Variants in HPSE2 observed in about 807,000 individuals in gnomAD.
The protein encoded by HPSE2 is inactive heparanase-2.
Under a neutral mutation model 60.5 loss-of-function variants are expected in HPSE2, and 38 were observed. The observed-to-expected ratio is 0.63, with a 90% CI of 0.48 to 0.82. HPSE2 has a LOEUF of 0.82. Ranked by LOEUF, HPSE2 falls within the 40% of genes least tolerant of loss-of-function variation. The probability of loss-of-function intolerance (pLI) is 0.00; values close to 1 mark genes in which losing one functional copy is unlikely to be tolerated. For synonymous variants in HPSE2, 295 were observed against 293.2 expected (o/e 1.01, Z -0.06); for missense variants, 713 against 740.4 (o/e 0.96, Z 0.43).
chr10:99,167,438 T>C (rs1847128201), intron 2 of HPSE2, among the ~76,000 whole-genome samples: 1 of 152,382 alleles, frequency 6.6e-6, no homozygotes. Flanking sequence ...AGTTATTTTT[T>C]GCATAAAGTA....
At chr10:98,912,606 T>C (rs1161192472) in intron 3 of HPSE2, among the ~76,000 whole-genome samples, 1 of 152,184 alleles carries the variant, frequency 6.6e-6, no homozygotes, top group Non-Finnish European at 1.5e-5. Flanking sequence ...GGAGTACTAT[T>C]CAGACATAAA....
chr10:99,001,336 C>G (rs1462737033), intron 3 of HPSE2, among the ~76,000 whole-genome samples: 4 of 152,046 alleles, frequency 2.6e-5, no homozygotes, highest in Non-Finnish European at 4.4e-5. Context: ...ATTCCTGGAA[C>G]CTTTGGTTCT....
intron 3 of HPSE2, among the ~76,000 whole-genome samples, chr10:98,803,683 C>A (rs1283613451): frequency 6.6e-6 from 1 of 150,684 alleles, no homozygotes; most frequent in South Asian, 2.1e-4. Context: ...TGATCTATAT[C>A]TCTGTTTTGG....
At chr10:99,165,552 T>TTTAC (rs1847044618) in intron 2 of HPSE2, among the ~76,000 whole-genome samples, 1 of 150,888 alleles carries the variant, frequency 6.6e-6, no homozygotes, top group African/African-American at 2.4e-5. Context: ...TATTTATTTA[T>TTTAC]TTATTTATTT....
chr10:99,173,533 G>C (rs1847398949), intron 2 of HPSE2, among the ~76,000 whole-genome samples: 2 of 151,660 alleles, frequency 1.3e-5, no homozygotes, highest in African/African-American at 2.4e-5. Flanking sequence ...TTTATTTGAG[G>C]AACTTTAGTA....
chr10:98,727,572 C>G (rs1949118690), intron 4 of HPSE2, among the ~76,000 whole-genome samples: 1 of 151,854 alleles, frequency 6.6e-6, no homozygotes, highest in Non-Finnish European at 1.5e-5. Flanking sequence ...AGGAGAATTG[C>G]TTGAATCCAG....
chr10:99,098,874 C>T (rs1266319984), intron 3 of HPSE2, among the ~76,000 whole-genome samples: 1 of 152,112 alleles, frequency 6.6e-6, no homozygotes, highest in East Asian at 1.9e-4. Context: ...TGCTACGGTT[C>T]TCATAAACTA....
chr10:98,620,631 A>G lies in HPSE2; in HGVS notation c.1176T>C (p.Asn392=). The G allele has an allele frequency of 6.2e-7, 1 of 1,614,088 alleles. No individual in the cohort carries two copies. Among genetic ancestry groups the G allele is most frequent in the African/African-American group, 1.3e-5 (1 of 75,048 alleles). Reference sequence around the variant, plus strand: ...ATCCTGCAGCATAGGAATCGGATAGATTGTTTGTGCCTCCAGCTGAGGTGG... The same window carrying G: ...ATCCTGCAGCATAGGAATCGGATAGGTTGTTTGTGCCTCCAGCTGAGGTGG... ...VVTTSAGGTN[N]LSDSYAAGFL... is the part of the protein sequence containing the mutation. Residue 392 remains asparagine (N), a synonymous_variant, in exon 8 of 12, where the codon AAT becomes AAC. Coordinates refer to ENST00000370552, the MANE Select transcript of HPSE2 (RefSeq NM_021828.5).
At chr10:99,301,594 G>T in the HPSE2 span, among the ~76,000 whole-genome samples, 1 of 152,152 alleles carries the variant, frequency 6.6e-6, no homozygotes, top group South Asian at 2.1e-4. Flanking sequence ...GCCTTTATCA[G>T]CAGTGTGAAA....
chr10:99,133,772 G>C (rs1295754559), intron 3 of HPSE2, among the ~76,000 whole-genome samples: 2 of 152,166 alleles, frequency 1.3e-5, no homozygotes, highest in African/African-American at 4.8e-5. Flanking sequence ...GGAGAAACCA[G>C]TGCAAAAAGG....
chr10:98,634,308 T>C (rs985395557), intron 7 of HPSE2, among the ~76,000 whole-genome samples: 5 of 152,214 alleles, frequency 3.3e-5, no homozygotes, highest in Non-Finnish European at 2.9e-5. Flanking sequence ...ACTGGGACAT[T>C]GAAATAAGCA....
rs771474439 is a variant in HPSE2, at chr10:99,144,357, C to A, written c.491G>T (p.Cys164Phe). ...AACATCAGGGTGCTGGGCAATCTTG[C>A]AGCCTTTCTGTTTATCTAAGGCAAC... Reference protein sequence around the residue: ...SDVALDKQKGCKIAQHPDVML... With the variant: ...SDVALDKQKGFKIAQHPDVML... Residue 164 changes from cysteine (C) to phenylalanine (F), a missense_variant, in exon 3 of 12, where the codon TGC becomes TTC. Cys to Phe is a radical substitution (Grantham distance 205, BLOSUM62 -2). Transcript: ENST00000370552. 2 of 1,614,044 alleles carry A rather than the reference C, an allele frequency of 1.2e-6. No individual in the cohort carries two copies. Among genetic ancestry groups the A allele is most frequent in the Non-Finnish European group, 1.7e-6 (2 of 1,180,002 alleles).
intron 3 of HPSE2, among the ~76,000 whole-genome samples, chr10:98,810,325 A>T (rs1951141279): frequency 6.6e-6 from 1 of 152,162 alleles, no homozygotes; most frequent in Non-Finnish European, 1.5e-5. Flanking sequence ...AGCCTACATT[A>T]AAAAATATAC....
At chr10:98,844,657 C>T (rs917541390) in intron 3 of HPSE2, among the ~76,000 whole-genome samples, 7 of 152,164 alleles carry the variant, frequency 4.6e-5, no homozygotes, top group African/African-American at 1.7e-4. Context: ...TTAGGAAAGT[C>T]GCTTAGCCTC....
At chr10:98,753,816 C>T (rs1949816411) in intron 3 of HPSE2, among the ~76,000 whole-genome samples, 1 of 152,140 alleles carries the variant, frequency 6.6e-6, no homozygotes, top group Admixed American at 6.5e-5. Context: ...ACAGTCAAAC[C>T]TTCAAGGGCA....
At chr10:99,274,236 AC>A in the HPSE2 span, among the ~76,000 whole-genome samples, 612 of 152,160 alleles carry the variant, frequency 4.0e-3, 5 homozygotes, top group African/African-American at 0.014. Context: ...AATCCCAGCT[AC>A]TCGGGAGGCT....
chr10:98,527,330 A>G (rs947485909), intron 9 of HPSE2, among the ~76,000 whole-genome samples: 2 of 152,156 alleles, frequency 1.3e-5, no homozygotes, highest in African/African-American at 4.8e-5. Context: ...TTGGACTAAA[A>G]ATCAAGCTCC....
intron 3 of HPSE2, among the ~76,000 whole-genome samples, chr10:99,103,165 T>C (rs964942244): frequency 4.6e-5 from 7 of 152,174 alleles, no homozygotes; most frequent in African/African-American, 1.7e-4. Context: ...ATAAAGGGTA[T>C]TCAATTAGGA....
chr10:98,724,537 C>T (rs1363274095), intron 4 of HPSE2, among the ~76,000 whole-genome samples: 5 of 152,152 alleles, frequency 3.3e-5, no homozygotes, highest in South Asian at 2.1e-4. Flanking sequence ...TTTCTGTCTT[C>T]GTTGATCTGT....
Sources: allele counts gnomAD v4.1 joint callset (sites outside exome capture counted in the v4.1 genomes callset), GRCh38; gene constraint gnomAD v4.1.1; transcripts MANE v1.5; gene names NCBI Gene and HGNC (gene_info 2026-07-23, HGNC 2026-07-21).